The following DEPDC1 variants were observed in gnomAD, a reference collection of about 807,000 sequenced individuals.
DEPDC1 encodes the protein DEP domain-containing protein 1A.
DEPDC1 carries 66 observed loss-of-function variants against 86.8 expected under a neutral mutation model. That is an observed-to-expected ratio of 0.76 (90% CI 0.62 to 0.93). The LOEUF (loss-of-function observed/expected upper bound fraction) is 0.93. DEPDC1 is among the 40% of genes least tolerant of loss of function. The pLI, the probability that DEPDC1 is intolerant of heterozygous loss-of-function variation, is 0.00. For synonymous variants in DEPDC1, 255 were observed against 314.9 expected (o/e 0.81, Z 2.02); for missense variants, 792 against 935.7 (o/e 0.85, Z 2.00).
intron 9 of DEPDC1, among the ~76,000 whole-genome samples, chr1:68,480,873 A>G (rs1038229700): frequency 9.2e-5 from 14 of 151,952 alleles, no homozygotes; most frequent in Admixed American, 5.3e-4. Flanking sequence ...AAAAAAAAAG[A>G]AAGAGATTAA....
chr1:68,489,365 A>G, intron 3 of DEPDC1, 87 bp downstream of exon 3: 1 of 990,010 alleles, frequency 1.0e-6, no homozygotes, highest in Non-Finnish European at 1.4e-6. Flanking sequence ...GGCTTTAAAT[A>G]TTAAAGAATA....
chr1:68,494,112 C>T (rs745916641), intron 2 of DEPDC1, among the ~76,000 whole-genome samples: 17 of 152,160 alleles, frequency 1.1e-4, no homozygotes, highest in South Asian at 6.2e-4. Context: ...AATCTAGAAA[C>T]TATGCAACTA....
At position 68,494,941 on chromosome 1, in the gene DEPDC1, G is replaced by A. The variant is rs184123065; in HGVS notation, c.49-246C>T. 5.0e-4 allele frequency among the ~76,000 whole-genome samples: 76 copies of A among 152,200 alleles called. No individual in the cohort carries two copies. In the East Asian group the frequency reaches 0.014, roughly 29 times the overall value. ...GTGGATCACCGGAGGTCGGGAGTTC[G>A]AGACCAGCCTGACCAATATGGAGAA... On this transcript the variant is annotated intron_variant, in intron 1 of 11. Coordinates refer to ENST00000456315, the MANE Select transcript of DEPDC1 (RefSeq NM_001114120.3).
In DEPDC1 at chr1:68,488,497, T is replaced by G; in HGVS notation, c.598A>C (p.Thr200Pro). The G allele has an allele frequency of 6.2e-7, 1 of 1,603,516 alleles. No homozygotes were observed. ...WRYVILIYLQ[T>P]ILGVPSLEEV... ...TCTAGGGATGGCACACCTAAAATGG[T>G]TTGCAGGCTAAATAGAAGAAAGAAT... is the stretch of plus-strand genomic sequence containing the variant. Residue 200 changes from threonine (T) to proline (P), a missense_variant, in exon 5 of 12, where the codon ACC becomes CCC. Coordinates refer to ENST00000456315, the MANE Select transcript of DEPDC1 (RefSeq NM_001114120.3).
rs772735987 is a variant in DEPDC1, at chr1:68,488,961, C to T, written c.545G>A (p.Ser182Asn). Residue 182 changes from serine (S) to asparagine (N), a missense_variant, in exon 4 of 12, where the codon AGC becomes AAC. Coordinates refer to ENST00000456315, the MANE Select transcript of DEPDC1 (RefSeq NM_001114120.3). Reference protein sequence around the residue: ...QENAIDNRELSQEDVEEVWRY... With the variant: ...QENAIDNRELNQEDVEEVWRY... ...CCAAACTTCTTCAACATCTTCCTGG[C>T]TTAGTTCTCTATTATCAATTGCATT... 18 of 1,605,770 alleles carry T rather than the reference C, an allele frequency of 1.1e-5. 1 individual carries two copies. The South Asian group carries it at 2.0e-4, about 18-fold the overall frequency.
chr1:68,479,253 G>A lies in DEPDC1; in HGVS notation c.2003C>T (p.Ala668Val). Reference sequence around the variant, plus strand: ...CATTAAGAAAGAAACTAATCTTCCAGCAAGAAGCTCATCAAGATCCACTTC... The same window carrying A: ...CATTAAGAAAGAAACTAATCTTCCAACAAGAAGCTCATCAAGATCCACTTC... The part of the protein sequence containing the change: ...AEEVDLDELL[A>V]GRLVSFLMDH... The change falls in exon 10 of 12, where the codon GCT becomes GTT. Residue 668 changes from alanine (A) to valine (V), a missense_variant. Physicochemically the swap from Ala to Val is moderately conservative, Grantham distance 64 (BLOSUM62 0). Coordinates refer to ENST00000456315, the MANE Select transcript of DEPDC1 (RefSeq NM_001114120.3). 1 of 1,612,482 alleles carries A rather than the reference G, an allele frequency of 6.2e-7. No individual in the cohort carries two copies. Among genetic ancestry groups the A allele is most frequent in the East Asian group, 2.2e-5 (1 of 44,802 alleles).
chr1:68,483,420 T>C (rs1646171642), intron 7 of DEPDC1: 2 of 460,790 alleles, frequency 4.3e-6, no homozygotes. Context: ...AACTACAACC[T>C]TGTGGGAGGA....
chr1:68,495,802 A>G (rs1646260892), intron 1 of DEPDC1, among the ~76,000 whole-genome samples: 1 of 152,326 alleles, frequency 6.6e-6, no homozygotes, highest in South Asian at 2.1e-4. Flanking sequence ...ACAGGGACAA[A>G]AGGACCTAAC....
Position 68,482,085 on chromosome 1 carries a change from A to T in DEPDC1, c.1723T>A (p.Ser575Thr). 6.2e-7 allele frequency: 1 copy of T among 1,603,734 alleles called. No homozygotes were observed. Among genetic ancestry groups the T allele is most frequent in the East Asian group, 2.2e-5 (1 of 44,816 alleles). Residue 575 changes from serine to threonine, a missense_variant, in exon 8 of 12, where the codon TCT (serine) becomes ACT (threonine). Ser to Thr is a moderately conservative substitution (Grantham distance 58). Coordinates refer to ENST00000456315, the MANE Select transcript of DEPDC1 (RefSeq NM_001114120.3). ...CKSTIELSEN[S>T]LLPASSMLTG... ...AACATAGAAGAAGCTGGAAGTAAAG[A>T]ATTTTCTGAAAGTTCTATTGTACTT...
intron 7 of DEPDC1, among the ~76,000 whole-genome samples, 186 bp downstream of exon 7, chr1:68,483,764 G>C (rs557690509): frequency 6.6e-6 from 1 of 152,150 alleles, no homozygotes; most frequent in Admixed American, 6.6e-5. Context: ...AGGGGGTTGA[G>C]GGAAGTCCCG....
chr1:68,489,666 C>A (rs1383402211), intron 2 of DEPDC1, 58 bp from the exon 3 acceptor site: 11 of 1,358,428 alleles, frequency 8.1e-6, no homozygotes, highest in Middle Eastern at 2.0e-4. Context: ...ACTTTTAGAG[C>A]CTATTTTTTT....
Position 68,483,971 on chromosome 1 carries a change from C to A in DEPDC1, c.889G>T (p.Glu297Ter). ...PEPLLTFEYYELFVNILVVCG... is the reference protein window; with the variant it reads ...PEPLLTFEYY ...ATACCCAAAATGTTTACAAATAATTCGTAATATTCAAAAGTAAGTAGAGGT... is the reference window on the plus strand; with the variant it reads ...ATACCCAAAATGTTTACAAATAATTAGTAATATTCAAAAGTAAGTAGAGGT... The change falls in exon 7 of 12, where the codon GAA (glutamate) becomes TAA (stop). Residue 297 changes from glutamate to a stop codon, truncating the protein, a stop_gained. Coordinates refer to ENST00000456315, the MANE Select transcript of DEPDC1 (RefSeq NM_001114120.3). LOFTEE classifies it high-confidence loss of function. 2 of 1,517,896 alleles carry A rather than the reference C, an allele frequency of 1.3e-6. No homozygotes were observed. Among genetic ancestry groups the A allele is most frequent in the Non-Finnish European group, 1.8e-6 (2 of 1,125,188 alleles). 94.0% of individuals were successfully genotyped at this position (1,517,896 alleles called of 1,614,324 possible). A position where few individuals can be genotyped will look rare whatever the true frequency, so the allele number is the denominator to read the frequency against.
intron 7 of DEPDC1, 65 bp from the exon 8 acceptor site, chr1:68,482,962 A>C: frequency 2.0e-6 from 3 of 1,468,682 alleles, no homozygotes; most frequent in Non-Finnish European, 2.7e-6. Flanking sequence ...TAAAACAAAA[A>C]CAATAGTAAA....
rs149140756 is a variant in DEPDC1, at chr1:68,496,980, G to A, written c.20C>T (p.Pro7Leu). MESQGV[P>L]PGPYRATKLW... ...CTTGGTGGCCCGATAAGGCCCGGGA[G>A]GCACACCCTGACTCTCCATAGGTCT... Residue 7 changes from proline to leucine, a missense_variant, in exon 1 of 12, where the codon CCT becomes CTT. Coordinates refer to ENST00000456315, the MANE Select transcript of DEPDC1 (RefSeq NM_001114120.3). This position sits in a 1 kb window ranked among gnomAD's most constrained non-coding sequence, Gnocchi z 4.0. 2 of 1,613,340 alleles carry A rather than the reference G, an allele frequency of 1.2e-6. No individual in the cohort carries two copies. The highest frequency in any genetic ancestry group is 2.7e-5 in the African/African-American group (2 of 74,872).
In DEPDC1 at chr1:68,481,951, T is replaced by A. The variant is rs185594838; in HGVS notation, c.1762+95A>T. 2.1e-5 allele frequency: 27 copies of A among 1,265,762 alleles called. No homozygotes were observed. In the Admixed American group the frequency reaches 7.0e-4, roughly 33 times the overall value. The allele number at this position is 1,265,762 out of a possible 1,614,324, so 78.4% of individuals were successfully genotyped here. ...TAATTCCTCTTGGAGGAAAAAAAAT[T>A]AAGCAACTTCAAGGAAGAAAAGCCA... On this transcript the variant is annotated intron_variant, in intron 8 of 11. Transcript: ENST00000456315.
rs989625838 is a variant in DEPDC1 at position 68,475,296 on chromosome 1, C to G, written c.*1636G>C. On this transcript the variant is annotated 3_prime_UTR_variant, in exon 12 of 12. Transcript: ENST00000456315. The stretch of plus-strand genomic sequence containing the variant: ...CTGCCTTTATTATTTATATATTTGT[C>G]TATAATACAAAAGCAAAATTATATT... The G allele has an allele frequency of 2.6e-5, 4 of 151,768 alleles. No homozygotes were observed. Among genetic ancestry groups the G allele is most frequent in the Non-Finnish European group, 5.9e-5 (4 of 67,834 alleles). The allele number at this position is 151,768 out of a possible 1,614,324, so 9.4% of individuals were successfully genotyped here. A position where few individuals can be genotyped will look rare whatever the true frequency, so the allele number is the denominator to read the frequency against.
At chr1:68,486,415 C>T (rs1646193048) in intron 6 of DEPDC1, among the ~76,000 whole-genome samples, 1 of 152,052 alleles carries the variant, frequency 6.6e-6, no homozygotes. Flanking sequence ...TCCTATACAA[C>T]CTGTGGAACC....
rs180983774 is a variant in DEPDC1, at chr1:68,487,420, A to G, written c.722-436T>C. Among the ~76,000 whole-genome samples, 12 of 152,122 alleles carry G rather than the reference A, an allele frequency of 7.9e-5. No individual in the cohort carries two copies. The East Asian group carries it at 2.3e-3, about 29-fold the overall frequency. ...TTGAAATGAACTGTATCTCACTATT[A>G]TGCTGCTTTTATAGTGAAGTTTGCT... is the stretch of plus-strand genomic sequence containing the variant. On this transcript the variant is annotated intron_variant, in intron 5 of 11. Coordinates refer to ENST00000456315, the MANE Select transcript of DEPDC1 (RefSeq NM_001114120.3).
Position 68,497,066 on chromosome 1 carries a change from G to A in DEPDC1, c.-67C>T, listed in dbSNP as rs955223353. On this transcript the variant is annotated 5_prime_UTR_variant, in exon 1 of 12. Transcript: ENST00000456315. ...ACACTCAGGCCCAGCGGCCGCGGCA[G>A]TGGCGAGTCTCGGCACAACCGTTGG... The A allele has an allele frequency of 3.2e-6, 5 of 1,565,942 alleles. No homozygotes were observed. The highest frequency in any genetic ancestry group is 2.7e-5 in the African/African-American group (2 of 73,600).
Sources: allele counts gnomAD v4.1 joint callset (sites outside exome capture counted in the v4.1 genomes callset), GRCh38; gene constraint gnomAD v4.1.1; non-coding constraint Gnocchi (gnomAD v3.1); transcripts MANE v1.5; gene names NCBI Gene and HGNC (gene_info 2026-07-23, HGNC 2026-07-21).